The following TENM3 variants were observed in gnomAD, a reference collection of about 807,000 sequenced individuals.
TENM3 encodes teneurin-3.
A neutral mutation model predicts 255.1 loss-of-function variants in TENM3; 63 were observed. The observed-to-expected ratio is 0.25, with a 90% CI of 0.20 to 0.30. The LOEUF (loss-of-function observed/expected upper bound fraction) is 0.30. Among genes scored for constraint, TENM3 ranks in the 10% least tolerant of loss-of-function variants. TENM3 has a pLI of 1.00. For synonymous variants in TENM3, 1,306 were observed against 1,322.3 expected, an observed-to-expected ratio of 0.99 and a Z score of 0.27; for missense variants, 2,929 against 3,461.1, an observed-to-expected ratio of 0.85 and a Z score of 3.86.
chr4:182,449,709 C>T (rs572336920), intron 3 of TENM3, among the ~76,000 whole-genome samples: 51 of 152,330 alleles, frequency 3.3e-4, no homozygotes, highest in Admixed American at 2.1e-3. Flanking sequence ...TAAGCTTGCT[C>T]ATTAAAGAGC....
intron 2 of TENM3, among the ~76,000 whole-genome samples, chr4:182,329,032 G>A (rs757718690): frequency 1.3e-5 from 2 of 152,144 alleles, no homozygotes; most frequent in Non-Finnish European, 2.9e-5. Flanking sequence ...GGACATTAGA[G>A]GAGTAGTCTG....
Position 182,179,340 on chromosome 4 carries a change from A to T in TENM3, c.-76+34586A>T, listed in dbSNP as rs190968621. On this transcript the variant is annotated intron_variant, in intron 1 of 2. Coordinates refer to the TENM3 transcript ENST00000512480. ...AACTCACTTGGAACCTATGGCCAGGATGAACCCACACCAGAGTGAGTCAGC... is the reference window on the plus strand; with the variant it reads ...AACTCACTTGGAACCTATGGCCAGGTTGAACCCACACCAGAGTGAGTCAGC... Among the ~76,000 whole-genome samples the T allele has an allele frequency of 9.0e-4, 137 of 152,296 alleles. 1 individual carries two copies. The South Asian group carries it at 9.1e-3, about 10-fold the overall frequency.
chr4:181,917,637 GT>G, the TENM3 span, among the ~76,000 whole-genome samples: 1 of 148,348 alleles, frequency 6.7e-6, no homozygotes, highest in Non-Finnish European at 1.5e-5. Context: ...TCTCAGCATA[GT>G]TCCTCAGACT....
At chr4:182,574,607 T>G (rs1448477798) in intron 3 of TENM3, among the ~76,000 whole-genome samples, 1 of 152,150 alleles carries the variant, frequency 6.6e-6, no homozygotes, top group Non-Finnish European at 1.5e-5. Context: ...ATTTTGGCCT[T>G]TCTGACAGTC....
intron 1 of TENM3, among the ~76,000 whole-genome samples, chr4:182,201,766 G>A (rs1754200512): frequency 6.6e-6 from 1 of 152,122 alleles, no homozygotes; most frequent in Non-Finnish European, 1.5e-5. Context: ...GGCTCTTGAA[G>A]TCAGATATAC....
chr4:182,155,965 G>A (rs1750673161), intron 1 of TENM3, among the ~76,000 whole-genome samples: 1 of 150,110 alleles, frequency 6.7e-6, no homozygotes, highest in African/African-American at 2.4e-5. Context: ...ATTATTCTAA[G>A]CCACTATCAG....
chr4:182,346,997 G>GGT (rs1554053259), intron 3 of TENM3, 68 bp downstream of exon 3: 7 of 1,146,860 alleles, frequency 6.1e-6, no homozygotes, highest in Non-Finnish European at 8.4e-6. Context: ...TGACTCCGCG[G>GGT]GGGGGGATGT....
intron 15 of TENM3, 93 bp from the exon 16 acceptor site, chr4:182,730,785 T>C: frequency 5.1e-6 from 7 of 1,376,908 alleles, no homozygotes; most frequent in Non-Finnish European, 6.9e-6. Context: ...AAAAAGTTGA[T>C]TTTCTTTATA....
intron 1 of TENM3, among the ~76,000 whole-genome samples, chr4:182,300,531 C>T (rs1348012120): frequency 6.6e-6 from 1 of 152,172 alleles, no homozygotes; most frequent in Admixed American, 6.5e-5. Flanking sequence ...CTGGAGTGGA[C>T]ACCTGGTGAC....
the TENM3 span, among the ~76,000 whole-genome samples, chr4:181,551,978 G>T: frequency 6.6e-6 from 1 of 150,914 alleles, no homozygotes; most frequent in Non-Finnish European, 1.5e-5. Flanking sequence ...TTTAGTTCTT[G>T]GTTCAAAAGA....
the TENM3 span, among the ~76,000 whole-genome samples, chr4:182,089,072 T>C: frequency 6.6e-6 from 1 of 152,140 alleles, no homozygotes; most frequent in African/African-American, 2.4e-5. Context: ...AAGACAGTGG[T>C]CTATGAACTG....
At chr4:182,382,464 G>A (rs1374302371) in intron 3 of TENM3, among the ~76,000 whole-genome samples, 2 of 151,662 alleles carry the variant, frequency 1.3e-5, no homozygotes, top group African/African-American at 2.4e-5. Context: ...ACCTCTCCCC[G>A]CCTCTCTCAT....
In TENM3 at chr4:182,147,177, G is replaced by A. The variant is rs188301749; in HGVS notation, c.-76+2423G>A. Among the ~76,000 whole-genome samples, 7 of 152,284 alleles carry A rather than the reference G, an allele frequency of 4.6e-5. No homozygotes were observed. The East Asian group carries it at 1.4e-3, about 29-fold the overall frequency. ...AGAGTAATTATTCTGTTTGTAAAGA[G>A]TCAAGCAAAGAAGATAGCAGGAAGA... is the stretch of plus-strand genomic sequence containing the variant. On this transcript the variant is annotated intron_variant, in intron 1 of 2. Transcript: ENST00000512480.
the TENM3 span, among the ~76,000 whole-genome samples, chr4:182,103,890 T>G: frequency 0.031 from 2,054 of 66,456 alleles, 32 homozygotes; most frequent in African/African-American, 0.13. Flanking sequence ...GATATGCAAA[T>G]TGTCCTTTAT....
At chr4:181,869,568 T>A in the TENM3 span, among the ~76,000 whole-genome samples, 1 of 152,134 alleles carries the variant, frequency 6.6e-6, no homozygotes, top group Non-Finnish European at 1.5e-5. Context: ...ATTTTTCACA[T>A]TCATGCCAGC....
intron 26 of TENM3, among the ~76,000 whole-genome samples, chr4:182,795,320 T>C (rs1010792094): frequency 6.6e-6 from 1 of 152,192 alleles, no homozygotes; most frequent in African/African-American, 2.4e-5. Flanking sequence ...TATGCAGACA[T>C]TGTTCAGAGT....
intron 3 of TENM3, among the ~76,000 whole-genome samples, chr4:182,555,066 T>A (rs986389653): frequency 6.6e-6 from 1 of 152,184 alleles, no homozygotes; most frequent in Non-Finnish European, 1.5e-5. Flanking sequence ...CGTGGTTCCT[T>A]ACTTAGCTCG....
intron 6 of TENM3, among the ~76,000 whole-genome samples, chr4:182,656,950 G>C (rs4283714): frequency 6.6e-6 from 1 of 151,874 alleles, no homozygotes; most frequent in Non-Finnish European, 1.5e-5. Context: ...TATCAGAAGC[G>C]TAGGGTCTTA....
rs998046458 is a variant in TENM3 at position 182,245,518 on chromosome 4, G to A, written c.-76+2042G>A. Among the ~76,000 whole-genome samples the A allele has an allele frequency of 4.6e-5, 7 of 152,110 alleles. 1 individual carries two copies. Among genetic ancestry groups the A allele is most frequent in the Non-Finnish European group, 7.4e-5 (5 of 68,012 alleles). On this transcript the variant is annotated intron_variant, in intron 1 of 27. Transcript: ENST00000511685. Reference sequence around the variant, plus strand: ...AGTGCTTTCCTTTAAATTCTGTCTCGTCTCCTAAATGAAGGCAGCGTCGTG... The same window carrying A: ...AGTGCTTTCCTTTAAATTCTGTCTCATCTCCTAAATGAAGGCAGCGTCGTG...
Sources: allele counts gnomAD v4.1 joint callset (sites outside exome capture counted in the v4.1 genomes callset), GRCh38; gene constraint gnomAD v4.1.1; transcripts MANE v1.5; gene names NCBI Gene and HGNC (gene_info 2026-07-23, HGNC 2026-07-21).